Variants in TMEM132B observed in about 807,000 individuals in gnomAD.
TMEM132B encodes the protein transmembrane protein 132B.
TMEM132B carries 18 observed loss-of-function variants against 90.8 expected under a neutral mutation model. That is an observed-to-expected ratio of 0.20 (90% CI 0.14 to 0.29). The LOEUF is 0.29. Ranked by LOEUF, TMEM132B falls within the 10% of genes least tolerant of loss-of-function variation. TMEM132B has a pLI of 1.00. For synonymous variants in TMEM132B, 504 were observed against 523.3 expected, an observed-to-expected ratio of 0.96 and a Z score of 0.50; for missense variants, 1,096 against 1,326.8, an observed-to-expected ratio of 0.83 and a Z score of 2.70.
At chr12:125,215,690 C>T (rs984041985) in intron 1 of TMEM132B, among the ~76,000 whole-genome samples, 6 of 152,260 alleles carry the variant, frequency 3.9e-5, no homozygotes, top group Non-Finnish European at 5.9e-5. Flanking sequence ...TACAGGCATG[C>T]GCCACCACGC....
intron 4 of TMEM132B, among the ~76,000 whole-genome samples, chr12:125,575,477 A>G (rs1347858126): frequency 6.6e-6 from 1 of 151,276 alleles, no homozygotes; most frequent in African/African-American, 2.4e-5. Context: ...CTTATCAAAT[A>G]TATTATTTGC....
intron 5 of TMEM132B, among the ~76,000 whole-genome samples, chr12:125,641,446 A>G (rs1886627898): frequency 2.0e-5 from 3 of 152,176 alleles, no homozygotes. Flanking sequence ...AGATACCTCA[A>G]GTCTTAGTAC....
intron 3 of TMEM132B, among the ~76,000 whole-genome samples, chr12:125,421,397 C>T (rs2136376639): frequency 6.6e-6 from 1 of 152,282 alleles, no homozygotes; most frequent in East Asian, 1.9e-4. Flanking sequence ...TCACATCTTA[C>T]ATGGTGGCAG....
intron 2 of TMEM132B, among the ~76,000 whole-genome samples, chr12:125,375,867 A>G (rs895291911): frequency 2.6e-5 from 4 of 152,212 alleles, no homozygotes; most frequent in African/African-American, 9.7e-5. Flanking sequence ...TTTGTCTTCA[A>G]GTCATCTTAG....
intron 5 of TMEM132B, among the ~76,000 whole-genome samples, chr12:125,629,468 T>A (rs891144709): frequency 6.6e-5 from 10 of 152,176 alleles, no homozygotes. Flanking sequence ...GAAATGCTAC[T>A]GATTTTTGTA....
At chr12:125,647,780 T>C (rs1194923350) in intron 6 of TMEM132B, among the ~76,000 whole-genome samples, 1 of 152,132 alleles carries the variant, frequency 6.6e-6, no homozygotes, top group Non-Finnish European at 1.5e-5. Context: ...TTAAATAGGA[T>C]AGACTTTCCT....
chr12:125,219,054 A>C (rs1423653990), intron 1 of TMEM132B, among the ~76,000 whole-genome samples: 4 of 152,212 alleles, frequency 2.6e-5, no homozygotes, highest in African/African-American at 9.6e-5. Context: ...CTCAATTTTA[A>C]AAAATGAGAG....
intron 3 of TMEM132B, among the ~76,000 whole-genome samples, chr12:125,513,382 G>A (rs1883031749): frequency 1.3e-5 from 2 of 152,162 alleles, no homozygotes; most frequent in African/African-American, 4.8e-5. Flanking sequence ...GAGCGTGCGT[G>A]TGCGAGAGAG....
intron 1 of TMEM132B, among the ~76,000 whole-genome samples, chr12:125,192,009 A>G (rs1231779232): frequency 6.6e-6 from 1 of 152,200 alleles, no homozygotes; most frequent in Admixed American, 6.5e-5. Context: ...AGGAGGCAAG[A>G]AAGGAAGGGC....
chr12:125,459,720 C>A lies in TMEM132B; in HGVS notation c.1106+44043C>A, dbSNP rs992909232. On this transcript the variant is annotated intron_variant, in intron 3 of 8. Coordinates refer to ENST00000682704, the MANE Select transcript of TMEM132B (RefSeq NM_001366854.1). The surrounding 1 kb of genome is among the most constrained non-coding windows in gnomAD (Gnocchi z 4.1). ...GGATAAATGCTTGAGAGGATGGATA[C>A]CCCATGGTATGGTCTGGATGTGTCC... Among the ~76,000 whole-genome samples, 2 of 152,106 alleles carry A rather than the reference C, an allele frequency of 1.3e-5. No homozygotes were observed. The highest frequency in any genetic ancestry group is 4.8e-5 in the African/African-American group (2 of 41,400).
chr12:125,494,372 A>G (rs1882459608), intron 3 of TMEM132B, among the ~76,000 whole-genome samples: 1 of 111,234 alleles, frequency 9.0e-6, no homozygotes, highest in Admixed American at 1.0e-4. Flanking sequence ...CTCCCTGGAA[A>G]TGGGCACCTC....
intron 1 of TMEM132B, among the ~76,000 whole-genome samples, chr12:125,311,179 C>T (rs147069590): frequency 1.4e-4 from 21 of 152,262 alleles, no homozygotes; most frequent in African/African-American, 3.6e-4. Flanking sequence ...TTCTTTCTTA[C>T]GGATGCTCCT....
At chr12:125,243,071 A>G (rs964712994) in intron 1 of TMEM132B, among the ~76,000 whole-genome samples, 3 of 144,574 alleles carry the variant, frequency 2.1e-5, no homozygotes, top group Non-Finnish European at 3.0e-5. Flanking sequence ...ATACACACAC[A>G]TATACATATA....
At chr12:125,318,084 A>G (rs1368085578) in intron 1 of TMEM132B, among the ~76,000 whole-genome samples, 1 of 152,198 alleles carries the variant, frequency 6.6e-6, no homozygotes, top group East Asian at 1.9e-4. Context: ...GTTGGGTGGA[A>G]AATGCAAGTT....
At chr12:125,238,366 C>CAAAAAAAAAAAA (rs762032967) in intron 1 of TMEM132B, among the ~76,000 whole-genome samples, 4 of 111,570 alleles carry the variant, frequency 3.6e-5, no homozygotes, top group Non-Finnish European at 3.7e-5. Flanking sequence ...AAAAAAAAAC[C>CAAAAAAAAAAAA]AAAAAAAAAA....
intron 2 of TMEM132B, among the ~76,000 whole-genome samples, chr12:125,375,357 TGCTTTCAGGATCTAGTGCCA>T (rs1878442255): frequency 1.3e-5 from 2 of 152,232 alleles, no homozygotes; most frequent in African/African-American, 4.8e-5. Flanking sequence ...TTTTATTAGC[TGCTTTCAGGATCTAGTGCCA>T]ATCTGTCCTT....
chr12:125,652,183 A>C (rs1886939071), intron 7 of TMEM132B, among the ~76,000 whole-genome samples: 1 of 152,232 alleles, frequency 6.6e-6, no homozygotes. Context: ...TGTAAGTTAA[A>C]TCAAGATTCT....
At chr12:125,494,325 C>T (rs1414740882) in intron 3 of TMEM132B, among the ~76,000 whole-genome samples, 2 of 138,316 alleles carry the variant, frequency 1.4e-5, no homozygotes, top group East Asian at 2.4e-4. Flanking sequence ...CCTCCTCCCC[C>T]TCCTCACTGG....
chr12:125,216,102 T>G (rs1873431621), intron 1 of TMEM132B, among the ~76,000 whole-genome samples: 1 of 152,188 alleles, frequency 6.6e-6, no homozygotes, highest in Admixed American at 6.5e-5. Context: ...CTGTATTAGT[T>G]TGGGCTGCCA....
Sources: allele counts gnomAD v4.1 joint callset (sites outside exome capture counted in the v4.1 genomes callset), GRCh38; gene constraint gnomAD v4.1.1; non-coding constraint Gnocchi (gnomAD v3.1); transcripts MANE v1.5; gene names NCBI Gene and HGNC (gene_info 2026-07-23, HGNC 2026-07-21).